DOCK10: variants seen among roughly 807,000 people sequenced by gnomAD.
DOCK10 encodes dedicator of cytokinesis 10.
A neutral mutation model predicts 280.1 loss-of-function variants in DOCK10; 145 were observed. The ratio of observed to expected loss-of-function variants is 0.52; its 90% CI spans 0.45 to 0.59. The LOEUF is 0.59. DOCK10 is among the 20% of genes least tolerant of loss of function. The pLI is 0.00. For missense variants in DOCK10, 2,368 were observed against 2,651.7 expected, an observed-to-expected ratio of 0.89 and a Z score of 2.35; for synonymous variants, 915 against 942.2, an observed-to-expected ratio of 0.97 and a Z score of 0.53.
intron 18 of DOCK10, among the ~76,000 whole-genome samples, chr2:224,850,111 AG>A (rs1235584373): frequency 6.6e-6 from 1 of 152,198 alleles, no homozygotes; most frequent in African/African-American, 2.4e-5. Context: ...GTACCTGGGC[AG>A]TTCTAAAGTT....
intron 6 of DOCK10, 126 bp from the exon 7 acceptor site, chr2:224,885,931 C>T (rs539514732): frequency 6.7e-7 from 1 of 1,495,492 alleles, no homozygotes; most frequent in African/African-American, 1.4e-5. Context: ...AGAAGAGCAT[C>T]CTACTTCCTC....
Position 224,805,443 on chromosome 2 carries a change from C to T in DOCK10, c.3901G>A (p.Glu1301Lys). 1 of 1,612,808 alleles carries T rather than the reference C, an allele frequency of 6.2e-7. No homozygotes were observed. The highest frequency in any genetic ancestry group is 8.5e-7 in the Non-Finnish European group (1 of 1,179,178). The change falls in exon 35 of 56, where the codon GAG becomes AAG. Residue 1301 changes from glutamate (E) to lysine (K), a missense_variant. Glu to Lys is a moderately conservative substitution (Grantham distance 56). Transcript: ENST00000258390. This position sits in a 1 kb window ranked among gnomAD's most constrained non-coding sequence, Gnocchi z 4.3. The part of the protein sequence containing the change: ...ASLDSNPSTN[E>K]KSSEKTDNCE... The stretch of plus-strand genomic sequence containing the variant: ...TTGTCCGTCTTCTCACTGCTCTTCT[C>T]ATTGGTACTTGGATTGGAGTCAAGA...
Position 224,773,331 on chromosome 2 carries a change from G to A in DOCK10, c.6030C>T (p.Pro2010=), listed in dbSNP as rs766527182. 17 of 1,611,688 alleles carry A rather than the reference G, an allele frequency of 1.1e-5. No individual in the cohort carries two copies. The highest frequency in any genetic ancestry group is 1.7e-5 in the Admixed American group (1 of 59,968). ...TTACTTGTATTCTCTTCTTCACGTA[G>A]GGGAACAGGTGACTCGCTGTACAAA... ...RTILTTSHLF[P]YVKKRIQVIS... The change falls in exon 53 of 56, where the codon CCC becomes CCT. Residue 2010 remains proline (P), a synonymous_variant. Coordinates refer to ENST00000258390, the MANE Select transcript of DOCK10 (RefSeq NM_014689.3).
In DOCK10 at chr2:225,039,686, T is replaced by TTCTC. The variant is rs5839087; in HGVS notation, c.123+2562_123+2565dup. 6.7e-3 allele frequency among the ~76,000 whole-genome samples: 1,010 copies of TTCTC among 150,186 alleles called. 12 individuals carry two copies. Among genetic ancestry groups the TTCTC allele is most frequent in the African/African-American group, 0.023 (927 of 40,888 alleles). ...AAACACATTTTGAAGGCTTCCTGTC[T>TTCTC]TCTCTCTCTCTCTCTCTCTCTCTCT... is the stretch of plus-strand genomic sequence containing the variant. On this transcript the variant is annotated intron_variant, in intron 1 of 55. Coordinates refer to ENST00000258390, the MANE Select transcript of DOCK10 (RefSeq NM_014689.3).
At chr2:224,889,850 C>G (rs1026266731) in intron 4 of DOCK10, among the ~76,000 whole-genome samples, 1 of 152,206 alleles carries the variant, frequency 6.6e-6, no homozygotes, top group African/African-American at 2.4e-5. Context: ...CAACCCTTCC[C>G]TCTCCCCCAC....
In DOCK10 at chr2:225,042,435, C is replaced by T; in HGVS notation, c.-61G>A. 5.7e-6 allele frequency: 7 copies of T among 1,226,586 alleles called. No individual in the cohort carries two copies. Among genetic ancestry groups the T allele is most frequent in the Non-Finnish European group, 7.1e-6 (7 of 982,250 alleles). The allele number at this position is 1,226,586 out of a possible 1,614,324, so 76.0% of individuals were successfully genotyped here. On this transcript the variant is annotated 5_prime_UTR_variant, in exon 1 of 56. Transcript: ENST00000258390. This position sits in a 1 kb window ranked among gnomAD's most constrained non-coding sequence, Gnocchi z 5.1. ...GCGCCTCCCGCCGGTCTTCCCCGCG[C>T]CAACCTTCTCTATCCACCCGCCGTT...
At chr2:224,916,646 G>A (rs767774731) in intron 3 of DOCK10, 49 bp downstream of exon 3, 2 of 1,359,864 alleles carry the variant, frequency 1.5e-6, no homozygotes, top group Non-Finnish European at 2.0e-6. Context: ...AGAATCCCCT[G>A]GGAAAAAGCA....
At chr2:224,834,736 T>C (rs961137787) in intron 25 of DOCK10, among the ~76,000 whole-genome samples, 1 of 152,170 alleles carries the variant, frequency 6.6e-6, no homozygotes, top group Non-Finnish European at 1.5e-5. Flanking sequence ...TTAGACACAC[T>C]ATCAAGGCGT....
At chr2:224,795,972 C>T (rs372207620) in intron 44 of DOCK10, among the ~76,000 whole-genome samples, 1 of 152,022 alleles carries the variant, frequency 6.6e-6, no homozygotes, top group African/African-American at 2.4e-5. Flanking sequence ...AGCTGCTTAA[C>T]GATTCAAACA....
chr2:224,899,038 C>T (rs1260490335), intron 3 of DOCK10, among the ~76,000 whole-genome samples: 1 of 152,158 alleles, frequency 6.6e-6, no homozygotes, highest in Non-Finnish European at 1.5e-5. Context: ...TCTTCCTTTC[C>T]TTTTCTTTCT....
chr2:224,874,373 C>T lies in DOCK10; in HGVS notation c.1018-24G>A, dbSNP rs1698496673. 2.5e-6 allele frequency: 4 copies of T among 1,572,384 alleles called. No homozygotes were observed. In the Admixed American group the frequency reaches 6.9e-5, roughly 27 times the overall value. On this transcript the variant is annotated intron_variant, in intron 9 of 55. Coordinates refer to ENST00000258390, the MANE Select transcript of DOCK10 (RefSeq NM_014689.3). Reference sequence around the variant, plus strand: ...TACTACAGAGAAAATTGTGTTAGTCCTTGGTATCTAAATATCCAGATACAG... The same window carrying T: ...TACTACAGAGAAAATTGTGTTAGTCTTTGGTATCTAAATATCCAGATACAG...
intron 55 of DOCK10, among the ~76,000 whole-genome samples, chr2:224,768,602 T>C (rs1480523647): frequency 1.3e-5 from 2 of 152,258 alleles, no homozygotes; most frequent in African/African-American, 4.8e-5. Context: ...AGCATATCTT[T>C]GTTTTGGAAA....
chr2:224,783,273 A>ATTTTTT (rs10713926), intron 50 of DOCK10, among the ~76,000 whole-genome samples: 3 of 143,996 alleles, frequency 2.1e-5, no homozygotes, highest in African/African-American at 2.6e-5. Context: ...TCAGACTGGA[A>ATTTTTT]TTTTTTTTTT....
chr2:224,903,440 A>G (rs960364935), intron 3 of DOCK10, among the ~76,000 whole-genome samples: 1 of 152,232 alleles, frequency 6.6e-6, no homozygotes, highest in African/African-American at 2.4e-5. Flanking sequence ...TATTTTATTC[A>G]TGGTAAATTG....
chr2:224,980,966 A>G (rs1220087280), intron 1 of DOCK10, among the ~76,000 whole-genome samples: 1 of 152,090 alleles, frequency 6.6e-6, no homozygotes, highest in Admixed American at 6.5e-5. Context: ...GCAAATTTCT[A>G]GCTGTGAAAT....
chr2:224,788,241 A>AT lies in DOCK10; in HGVS notation c.5418+822dup, dbSNP rs1008863361. ...TCTTTGAGAGCAGGAATTATGCCTT[A>AT]TTTTTTTTCCCAGCCCTTACCTCAA... On this transcript the variant is annotated intron_variant, in intron 48 of 55. Transcript: ENST00000258390. Among the ~76,000 whole-genome samples the AT allele has an allele frequency of 3.8e-4, 58 of 151,922 alleles. 1 individual carries two copies. The highest frequency in any genetic ancestry group is 5.9e-4 in the Non-Finnish European group (40 of 67,940).
intron 2 of DOCK10, among the ~76,000 whole-genome samples, chr2:224,929,005 C>T (rs541954938): frequency 6.6e-6 from 1 of 152,356 alleles, no homozygotes; most frequent in South Asian, 2.1e-4. Flanking sequence ...CCCCTTTAGC[C>T]TGAAACATGC....
At chr2:224,966,699 T>G (rs1704762483) in intron 1 of DOCK10, among the ~76,000 whole-genome samples, 1 of 152,168 alleles carries the variant, frequency 6.6e-6, no homozygotes, top group Admixed American at 6.5e-5. Context: ...CATTTTAAGA[T>G]GCTGAAAAAT....
intron 1 of DOCK10, among the ~76,000 whole-genome samples, chr2:224,961,466 C>CTTTCTTTCTTTCTTTCTTTCTTTT (rs1278909519): frequency 2.1e-5 from 1 of 48,152 alleles, no homozygotes; most frequent in Non-Finnish European, 4.3e-5. Flanking sequence ...TTCTTTCTTT[C>CTTTCTTTCTTTCTTTCTTTCTTTT]TTTTTCTTTC....
Sources: gnomAD v4.1 joint callset for allele counts (sites outside exome capture counted in the v4.1 genomes callset) on GRCh38, gnomAD v4.1.1 for gene constraint, Gnocchi (gnomAD v3.1) non-coding constraint, MANE v1.5 for transcripts, NCBI Gene and HGNC (gene_info 2026-07-23, HGNC 2026-07-21) for gene names.